The following GPR37 variants were observed in gnomAD, a reference collection of about 807,000 sequenced individuals.
GPR37 encodes G protein-coupled receptor 37.
Under a neutral mutation model 43.6 loss-of-function variants are expected in GPR37, and 20 were observed. That is an observed-to-expected ratio of 0.46 (90% CI 0.32 to 0.67). The LOEUF (loss-of-function observed/expected upper bound fraction) is 0.67. Ranked by LOEUF, GPR37 falls within the 30% of genes least tolerant of loss-of-function variation. The probability of loss-of-function intolerance (pLI) is 0.03; values close to 1 mark genes in which losing one functional copy is unlikely to be tolerated. For synonymous variants in GPR37, 315 were observed against 322.6 expected, an observed-to-expected ratio of 0.98 and a Z score of 0.25; for missense variants, 724 against 797.2, an observed-to-expected ratio of 0.91 and a Z score of 1.11.
chr7:124,765,102 C>G lies in GPR37; in HGVS notation c.-126G>C. On this transcript the variant is annotated 5_prime_UTR_variant, in exon 1 of 2. Transcript: ENST00000303921. ...CACCCCCGCCCGGGTAGCGGGGAAC[C>G]GGAGATTAGGGTGATAGCGGAAGAT... is the stretch of plus-strand genomic sequence containing the variant. The G allele has an allele frequency of 1.2e-6, 1 of 856,086 alleles. No homozygotes were observed. The highest frequency in any genetic ancestry group is 1.7e-6 in the Non-Finnish European group (1 of 592,266). The allele number at this position is 856,086 out of a possible 1,614,324, so 53.0% of individuals were successfully genotyped here.
At position 124,747,155 on chromosome 7, in the gene GPR37, G is replaced by C. The variant is rs1393951709; in HGVS notation, c.1212C>G (p.Ser404Arg). 1 of 1,613,858 alleles carries C rather than the reference G, an allele frequency of 6.2e-7. No individual in the cohort carries two copies. The highest frequency in any genetic ancestry group is 1.3e-5 in the African/African-American group (1 of 74,892). ...ALPEVVLRQL[S>R]KEDLGFSGRA... is the part of the protein sequence containing the mutation. ...GGCCACTAAACCCCAAATCCTCCTT[G>C]CTCAGCTGGCGGAGAACAACTTCTG... The change falls in exon 2 of 2, where the codon AGC becomes AGG. Residue 404 changes from serine to arginine, a missense_variant. Coordinates refer to ENST00000303921, the MANE Select transcript of GPR37 (RefSeq NM_005302.5).
intron 1 of GPR37, among the ~76,000 whole-genome samples, chr7:124,749,434 T>C (rs1481850073): frequency 6.6e-6 from 1 of 152,046 alleles, no homozygotes; most frequent in Non-Finnish European, 1.5e-5. Context: ...GTAAGTATAA[T>C]GTTAATATCT....
rs1359353014 is a variant in GPR37 at position 124,764,419 on chromosome 7, G to A, written c.558C>T (p.Ala186=). 1 of 1,613,596 alleles carries A rather than the reference G, an allele frequency of 6.2e-7. No individual in the cohort carries two copies. Among genetic ancestry groups the A allele is most frequent in the Non-Finnish European group, 8.5e-7 (1 of 1,180,032 alleles). The change falls in exon 1 of 2, where the codon GCC becomes GCT. Residue 186 remains alanine, a synonymous_variant. Coordinates refer to ENST00000303921, the MANE Select transcript of GPR37 (RefSeq NM_005302.5). This position sits in a 1 kb window ranked among gnomAD's most constrained non-coding sequence, Gnocchi z 5.4. ...ASDLFYWPRR[A]GKLQGSHHKP... The stretch of plus-strand genomic sequence containing the variant: ...TGTGGTGGGAACCCTGGAGTTTCCC[G>A]GCTCTCCTTGGCCAGTAAAAAAGAT...
At position 124,746,360 on chromosome 7, in the gene GPR37, TC is replaced by T. The variant is rs1315770094; in HGVS notation, c.*164del. Reference sequence around the variant, plus strand: ...TAAATAACTAAATAGAAACTTTTTTTCAAAGCACAAATATTAATTTGTAAAA... The same window carrying T: ...TAAATAACTAAATAGAAACTTTTTTTAAAGCACAAATATTAATTTGTAAAA... On this transcript the variant is annotated 3_prime_UTR_variant, in exon 2 of 2. Transcript: ENST00000303921. The T allele has an allele frequency of 2.0e-6, 1 of 492,146 alleles. No homozygotes were observed. The highest frequency in any genetic ancestry group is 3.5e-6 in the Non-Finnish European group (1 of 284,452). The allele number at this position is 492,146 out of a possible 1,614,324, so 30.5% of individuals were successfully genotyped here. A position where few individuals can be genotyped will look rare whatever the true frequency, so the allele number is the denominator to read the frequency against.
chr7:124,761,373 A>C (rs1793849213), intron 1 of GPR37, among the ~76,000 whole-genome samples: 1 of 152,148 alleles, frequency 6.6e-6, no homozygotes, highest in African/African-American at 2.4e-5. Context: ...GCTTGCATCC[A>C]ATGTCTTACA....
At chr7:124,751,595 A>G (rs999581628) in intron 1 of GPR37, among the ~76,000 whole-genome samples, 2 of 152,152 alleles carry the variant, frequency 1.3e-5, no homozygotes, top group African/African-American at 4.8e-5. Flanking sequence ...TTTCTATCAC[A>G]ATTTTGAAAT....
At chr7:124,757,582 A>G (rs181651266) in intron 1 of GPR37, among the ~76,000 whole-genome samples, 1 of 152,332 alleles carries the variant, frequency 6.6e-6, no homozygotes, top group African/African-American at 2.4e-5. Context: ...ATGTAACTGA[A>G]AAGAATTAGA....
chr7:124,753,314 A>G (rs1793753440), intron 1 of GPR37, among the ~76,000 whole-genome samples: 1 of 152,024 alleles, frequency 6.6e-6, no homozygotes, highest in South Asian at 2.1e-4. Context: ...TTTTGAAGTC[A>G]TCTAAAAAGG....
At chr7:124,762,259 ATTCTT>A (rs1014802624) in intron 1 of GPR37, among the ~76,000 whole-genome samples, 12 of 152,140 alleles carry the variant, frequency 7.9e-5, no homozygotes, top group African/African-American at 1.9e-4. Context: ...TGAATTTGAT[ATTCTT>A]TTCTTTTAAG....
chr7:124,763,209 T>C (rs1410558310), intron 1 of GPR37, among the ~76,000 whole-genome samples: 1 of 152,140 alleles, frequency 6.6e-6, no homozygotes, highest in African/African-American at 2.4e-5. Flanking sequence ...CCATAACAAA[T>C]AACAAATGTA....
At position 124,764,506 on chromosome 7, in the gene GPR37, T is replaced by C. The variant is rs1381856364; in HGVS notation, c.471A>G (p.Arg157=). Residue 157 remains arginine, a synonymous_variant, in exon 1 of 2, where the codon AGA becomes AGG. Coordinates refer to ENST00000303921, the MANE Select transcript of GPR37 (RefSeq NM_005302.5). The surrounding 1 kb of genome is among the most constrained non-coding windows in gnomAD (Gnocchi z 5.4). ...QISEEEEKGP[R]GAGISGRSQE... ...GGCTACGCCCGGAAATGCCAGCGCC[T>C]CTGGGACCCTTCTCTTCCTCCTCTG... 17 of 1,613,514 alleles carry C rather than the reference T, an allele frequency of 1.1e-5. No homozygotes were observed. Among genetic ancestry groups the C allele is most frequent in the African/African-American group, 2.7e-5 (2 of 74,940 alleles).
intron 1 of GPR37, among the ~76,000 whole-genome samples, chr7:124,749,814 C>T (rs192382358): frequency 2.0e-5 from 3 of 152,098 alleles, no homozygotes; most frequent in Admixed American, 6.6e-5. Context: ...GATAAAGAGG[C>T]ACAATTGGGC....
At chr7:124,756,345 C>T (rs1295380584) in intron 1 of GPR37, among the ~76,000 whole-genome samples, 2 of 152,232 alleles carry the variant, frequency 1.3e-5, no homozygotes, top group East Asian at 3.9e-4. Flanking sequence ...TTAATGAATG[C>T]TATGAACTAT....
intron 1 of GPR37, among the ~76,000 whole-genome samples, chr7:124,748,892 C>T (rs1043005928): frequency 1.3e-5 from 2 of 151,956 alleles, no homozygotes; most frequent in Middle Eastern, 3.2e-3. Context: ...CTAATGTAAG[C>T]ATGCTATCAT....
chr7:124,760,288 A>C (rs1345836185), intron 1 of GPR37, among the ~76,000 whole-genome samples: 2 of 152,156 alleles, frequency 1.3e-5, no homozygotes, highest in Non-Finnish European at 2.9e-5. Flanking sequence ...AAAATTTTTA[A>C]AAGTCTTGAG....
rs749356401 is a variant in GPR37, at chr7:124,746,996, G to A, written c.1371C>T (p.Phe457=). Residue 457 remains phenylalanine (F), a synonymous_variant, in exon 2 of 2, where the codon TTC becomes TTT. Coordinates refer to ENST00000303921, the MANE Select transcript of GPR37 (RefSeq NM_005302.5). ...CAGTCACTAGAGAGCAGGTGATGGTGAAAAGCGTGGGCAAACAAAAGTAAC... is the reference window on the plus strand; with the variant it reads ...CAGTCACTAGAGAGCAGGTGATGGTAAAAAGCGTGGGCAAACAAAAGTAAC... The part of the protein sequence containing the change: ...FGCYFCLPTL[F]TITCSLVTAR... 1 of 1,614,010 alleles carries A rather than the reference G, an allele frequency of 6.2e-7. No individual in the cohort carries two copies. Among genetic ancestry groups the A allele is most frequent in the South Asian group, 1.1e-5 (1 of 91,080 alleles).
chr7:124,760,057 C>T (rs917842920), intron 1 of GPR37, among the ~76,000 whole-genome samples: 1 of 151,788 alleles, frequency 6.6e-6, no homozygotes, highest in African/African-American at 2.4e-5. Flanking sequence ...CAATCATAAT[C>T]TATTGAGAAT....
intron 1 of GPR37, among the ~76,000 whole-genome samples, chr7:124,755,796 T>G (rs925782644): frequency 1.3e-5 from 2 of 152,080 alleles, no homozygotes; most frequent in African/African-American, 4.8e-5. Flanking sequence ...ATCTTTGGTA[T>G]TATTATGATG....
Position 124,765,626 on chromosome 7 carries a change from C to T in GPR37, c.-650G>A, listed in dbSNP as rs11542914. 5,772 of 152,402 alleles carry T rather than the reference C, an allele frequency of 0.038. 159 individuals carry two copies. Among genetic ancestry groups the T allele is most frequent in the Non-Finnish European group, 0.055 (3,739 of 68,062 alleles). The allele number at this position is 152,402 out of a possible 1,614,324, so 9.4% of individuals were successfully genotyped here. A position where few individuals can be genotyped will look rare whatever the true frequency, so the allele number is the denominator to read the frequency against. ...GCCGAGGAGAAGCGGGATTCCAACC[C>T]CGCGGCCACTGCCAAAGTTGCTTCT... On this transcript the variant is annotated 5_prime_UTR_variant, in exon 1 of 2. Transcript: ENST00000303921.
Sources: gnomAD v4.1 joint callset for allele counts (sites outside exome capture counted in the v4.1 genomes callset) on GRCh38, gnomAD v4.1.1 for gene constraint, Gnocchi (gnomAD v3.1) non-coding constraint, MANE v1.5 for transcripts, NCBI Gene and HGNC (gene_info 2026-07-23, HGNC 2026-07-21) for gene names.